The following KCNQ1 variants were observed in gnomAD, a reference collection of about 807,000 sequenced individuals.
KCNQ1 encodes the protein potassium voltage-gated channel subfamily Q member 1, also known as potassium voltage-gated channel subfamily KQT member 1.
KCNQ1 carries 49 observed loss-of-function variants against 72.4 expected under a neutral mutation model. The ratio of observed to expected loss-of-function variants is 0.68; its 90% CI spans 0.54 to 0.86. The LOEUF (loss-of-function observed/expected upper bound fraction) is 0.86. KCNQ1 is among the 40% of genes least tolerant of loss of function. The pLI, the probability that KCNQ1 is intolerant of heterozygous loss-of-function variation, is 0.00. For synonymous variants in KCNQ1, 450 were observed against 412.6 expected, an observed-to-expected ratio of 1.09 and a Z score of -1.10; for missense variants, 790 against 945.1, an observed-to-expected ratio of 0.84 and a Z score of 2.15.
rs182932072 is a variant in KCNQ1, at chr11:2,447,707, C to A, written c.386+2223C>A. On this transcript the variant is annotated intron_variant, in intron 1 of 15. Transcript: ENST00000155840. This position sits in a 1 kb window ranked among gnomAD's most constrained non-coding sequence, Gnocchi z 7.6. Reference sequence around the variant, plus strand: ...TTGGCAATGGTGGCGGAGACAGGGCCCTGTCCTTAGGTGGATTGTGAAATG... The same window carrying A: ...TTGGCAATGGTGGCGGAGACAGGGCACTGTCCTTAGGTGGATTGTGAAATG... Among the ~76,000 whole-genome samples the A allele has an allele frequency of 2.0e-5, 3 of 152,296 alleles. No homozygotes were observed. The South Asian group carries it at 6.2e-4, about 32-fold the overall frequency.
At chr11:2,708,833 C>A (rs1590045540) in intron 11 of KCNQ1, among the ~76,000 whole-genome samples, 1 of 152,246 alleles carries the variant, frequency 6.6e-6, no homozygotes, top group Non-Finnish European at 1.5e-5. Context: ...ATGTTCGAAG[C>A]CTGGCAACAG....
At chr11:2,835,852 G>A (rs1342205056) in intron 15 of KCNQ1, among the ~76,000 whole-genome samples, 3 of 152,210 alleles carry the variant, frequency 2.0e-5, no homozygotes, top group Non-Finnish European at 4.4e-5. Context: ...AGGAGCGACG[G>A]GAAGCCTCGT....
intron 2 of KCNQ1, among the ~76,000 whole-genome samples, chr11:2,560,050 C>T (rs1221332808): frequency 2.1e-5 from 3 of 146,110 alleles, no homozygotes; most frequent in African/African-American, 7.7e-5. Flanking sequence ...GAGGGGGTAC[C>T]GCCAGCCTGG....
At chr11:2,531,234 G>C (rs1404200934) in intron 2 of KCNQ1, among the ~76,000 whole-genome samples, 3 of 151,276 alleles carry the variant, frequency 2.0e-5, no homozygotes, top group Admixed American at 2.0e-4. Flanking sequence ...GGCTCCACAT[G>C]CCCGTCTGCA....
chr11:2,783,042 A>G lies in KCNQ1; in HGVS notation c.1794+5005A>G. On this transcript the variant is annotated intron_variant, in intron 15 of 15. Transcript: ENST00000155840. The surrounding 1 kb of genome is among the most constrained non-coding windows in gnomAD (Gnocchi z 5.2). ...GCTTCCTAAATTTCCTTTTCGTTTTAATTTTTCTAACCACTGTCAATCTCA... is the reference window on the plus strand; with the variant it reads ...GCTTCCTAAATTTCCTTTTCGTTTTGATTTTTCTAACCACTGTCAATCTCA... 6.6e-6 allele frequency among the ~76,000 whole-genome samples: 1 copy of G among 152,080 alleles called. No homozygotes were observed. The highest frequency in any genetic ancestry group is 1.9e-4 in the East Asian group (1 of 5,202).
rs544697320 is a variant in KCNQ1 at position 2,561,413 on chromosome 11, G to A, written c.478-9215G>A. ...ACCTGTACTCAGGACCCTGCCCCCC[G>A]AGGACAAGGTCGCTTCCCTCTTGAG... On this transcript the variant is annotated intron_variant, in intron 2 of 15. Transcript: ENST00000155840. Among the ~76,000 whole-genome samples the A allele has an allele frequency of 1.3e-4, 20 of 152,254 alleles. No homozygotes were observed. In the East Asian group the frequency reaches 2.7e-3, roughly 21 times the overall value.
chr11:2,455,712 A>T (rs992501711), intron 1 of KCNQ1, among the ~76,000 whole-genome samples: 8 of 152,246 alleles, frequency 5.3e-5, no homozygotes, highest in African/African-American at 1.9e-4. Flanking sequence ...AGAAAAAACT[A>T]TTCTAACATT....
At chr11:2,812,409 G>A (rs1351766429) in intron 15 of KCNQ1, among the ~76,000 whole-genome samples, 1 of 152,136 alleles carries the variant, frequency 6.6e-6, no homozygotes, top group Admixed American at 6.5e-5. Context: ...AGTGCTCGGG[G>A]GCTCCAGTTG....
intron 2 of KCNQ1, among the ~76,000 whole-genome samples, chr11:2,539,634 C>A (rs1289495443): frequency 6.6e-6 from 1 of 152,218 alleles, no homozygotes; most frequent in African/African-American, 2.4e-5. Flanking sequence ...AGGGCGGCCG[C>A]GGCTTTCCAG....
At chr11:2,700,421 C>T (rs1159512247) in intron 11 of KCNQ1, among the ~76,000 whole-genome samples, 1 of 152,172 alleles carries the variant, frequency 6.6e-6, no homozygotes, top group Non-Finnish European at 1.5e-5. Context: ...CCCGACACTG[C>T]TGTGGGCCCT....
intron 11 of KCNQ1, chr11:2,689,309 G>A (rs974484914): frequency 1.5e-5 from 6 of 398,640 alleles, no homozygotes; most frequent in African/African-American, 1.2e-4. Context: ...AAGACTCAAT[G>A]CCACCTCAGG....
In KCNQ1 at chr11:2,651,652, A is replaced by G. The variant is rs530729494; in HGVS notation, c.1394-10309A>G. On this transcript the variant is annotated intron_variant, in intron 10 of 15. Coordinates refer to ENST00000155840, the MANE Select transcript of KCNQ1 (RefSeq NM_000218.3). The surrounding 1 kb of genome is among the most constrained non-coding windows in gnomAD (Gnocchi z 6.1). ...CCCACCTGGGGTCTCTGTCTCTCCC[A>G]CAGCTCACTGACATTAGCCACGTGG... is the stretch of plus-strand genomic sequence containing the variant. 10 of 398,494 alleles carry G rather than the reference A, an allele frequency of 2.5e-5. No homozygotes were observed. Among genetic ancestry groups the G allele is most frequent in the Admixed American group, 1.3e-4 (3 of 22,712 alleles). The allele number at this position is 398,494 out of a possible 1,614,324, so 24.7% of individuals were successfully genotyped here.
At chr11:2,586,105 T>C (rs1373127652) in intron 8 of KCNQ1, among the ~76,000 whole-genome samples, 1 of 152,184 alleles carries the variant, frequency 6.6e-6, no homozygotes, top group Non-Finnish European at 1.5e-5. Context: ...CCGGGTTGAA[T>C]GACAAGTGCC....
intron 11 of KCNQ1, chr11:2,666,042 A>G: frequency 2.5e-6 from 1 of 398,652 alleles, no homozygotes; most frequent in East Asian, 3.6e-5. Context: ...TACCTGAGAT[A>G]GACGGCCCAA....
In KCNQ1 at chr11:2,559,018, C is replaced by T. The variant is rs576061974; in HGVS notation, c.478-11610C>T. Among the ~76,000 whole-genome samples the T allele has an allele frequency of 6.6e-6, 1 of 152,100 alleles. No homozygotes were observed. Among genetic ancestry groups the T allele is most frequent in the African/African-American group, 2.4e-5 (1 of 41,480 alleles). Reference sequence around the variant, plus strand: ...AGACCCAGGTGAGGTACCTGAGTGACAAATGTCAAGAGTTTGCAGTTACTC... The same window carrying T: ...AGACCCAGGTGAGGTACCTGAGTGATAAATGTCAAGAGTTTGCAGTTACTC... On this transcript the variant is annotated intron_variant, in intron 2 of 15. Transcript: ENST00000155840. The surrounding 1 kb of genome is among the most constrained non-coding windows in gnomAD (Gnocchi z 4.9).
intron 2 of KCNQ1, among the ~76,000 whole-genome samples, chr11:2,555,836 G>A (rs1848061975): frequency 6.6e-6 from 1 of 152,258 alleles, no homozygotes; most frequent in Non-Finnish European, 1.5e-5. Context: ...GCAGGGGTAG[G>A]CTGATAGACC....
Position 2,475,825 on chromosome 11 carries a change from C to G in KCNQ1, c.386+30341C>G, listed in dbSNP as rs1036901517. Among the ~76,000 whole-genome samples the G allele has an allele frequency of 6.6e-6, 1 of 152,208 alleles. No homozygotes were observed. The highest frequency in any genetic ancestry group is 1.5e-5 in the Non-Finnish European group (1 of 68,044). ...AGAGGCATTCCGCTACACAAGCTCT[C>G]TCATGTTTTGCCTGCCACCATCCAC... On this transcript the variant is annotated intron_variant, in intron 1 of 15. Coordinates refer to ENST00000155840, the MANE Select transcript of KCNQ1 (RefSeq NM_000218.3). The surrounding 1 kb of genome is among the most constrained non-coding windows in gnomAD (Gnocchi z 5.8).
In KCNQ1 at chr11:2,724,147, G is replaced by A. The variant is rs1845719129; in HGVS notation, c.1515-44697G>A. Among the ~76,000 whole-genome samples, 1 of 152,166 alleles carries A rather than the reference G, an allele frequency of 6.6e-6. No homozygotes were observed. The highest frequency in any genetic ancestry group is 1.5e-5 in the Non-Finnish European group (1 of 68,038). On this transcript the variant is annotated intron_variant, in intron 11 of 15. Coordinates refer to ENST00000155840, the MANE Select transcript of KCNQ1 (RefSeq NM_000218.3). This position sits in a 1 kb window ranked among gnomAD's most constrained non-coding sequence, Gnocchi z 6.8. ...GACGTTCTGGTAAGATCGCCAGGGG[G>A]CCGCGACAAGGAGACCAGGAAGGAA...
At chr11:2,805,152 G>A (rs1847347140) in intron 15 of KCNQ1, among the ~76,000 whole-genome samples, 1 of 152,196 alleles carries the variant, frequency 6.6e-6, no homozygotes, top group Non-Finnish European at 1.5e-5. Context: ...GTGGAGATGA[G>A]GCTGAGAGCC....
Sources: gnomAD v4.1 joint callset for allele counts (sites outside exome capture counted in the v4.1 genomes callset) on GRCh38, gnomAD v4.1.1 for gene constraint, Gnocchi (gnomAD v3.1) non-coding constraint, MANE v1.5 for transcripts, NCBI Gene and HGNC (gene_info 2026-07-23, HGNC 2026-07-21) for gene names.